The following SLC39A8 variants were observed in gnomAD, a reference collection of about 807,000 sequenced individuals.
SLC39A8 encodes metal cation symporter ZIP8.
In SLC39A8, 15 loss-of-function variants were observed where a neutral mutation model predicts 40.4. That is an observed-to-expected ratio of 0.37 (90% CI 0.25 to 0.57). The LOEUF is 0.57. Ranked by LOEUF, SLC39A8 falls within the 20% of genes least tolerant of loss-of-function variation. SLC39A8 has a pLI of 0.75. For missense variants in SLC39A8, 472 were observed against 558.8 expected (o/e 0.84, Z 1.57); for synonymous variants, 223 against 221.6 (o/e 1.01, Z -0.06).
intron 11 of SLC39A8, among the ~76,000 whole-genome samples, chr4:102,255,729 A>G (rs916893644): frequency 1.3e-5 from 2 of 152,210 alleles, no homozygotes; most frequent in African/African-American, 4.8e-5. Flanking sequence ...GTATGCAGAA[A>G]CAATCAACAG....
At chr4:102,252,070 C>G (rs1264701587) in exon 12 of SLC39A8, 1 of 152,312 alleles carries the variant, frequency 6.6e-6, no homozygotes, top group Non-Finnish European at 1.5e-5. Flanking sequence ...ATAAAAATGG[C>G]TTCCTTTCCT....
At chr4:102,266,485 T>C (rs1732102699) in intron 8 of SLC39A8, among the ~76,000 whole-genome samples, 1 of 152,198 alleles carries the variant, frequency 6.6e-6, no homozygotes, top group African/African-American at 2.4e-5. Flanking sequence ...ATGTAATACA[T>C]CCAGTTCCAA....
intron 3 of SLC39A8, among the ~76,000 whole-genome samples, chr4:102,311,426 G>A (rs976544892): frequency 2.0e-5 from 3 of 152,050 alleles, no homozygotes; most frequent in African/African-American, 7.2e-5. Context: ...AGAATCAGGA[G>A]CTCTCATTTC....
chr4:102,344,949 A>C, intron 1 of SLC39A8, 34 bp from the exon 2 acceptor site: 2 of 1,175,664 alleles, frequency 1.7e-6, no homozygotes, highest in African/African-American at 1.6e-5. Flanking sequence ...GACAGAGATA[A>C]AGGCCACCAG....
In SLC39A8 at chr4:102,300,942, T is replaced by G. The variant is rs186158697; in HGVS notation, c.840+3375A>C. Among the ~76,000 whole-genome samples, 486 of 152,150 alleles carry G rather than the reference T, an allele frequency of 3.2e-3. 1 individual carries two copies. Among genetic ancestry groups the G allele is most frequent in the Middle Eastern group, 6.8e-3 (2 of 294 alleles). ...ATGTAAACAAAACTGAAAATTGCAG[T>G]CTGTTGCTCAATTTGTTTAAATGTC... is the stretch of plus-strand genomic sequence containing the variant. On this transcript the variant is annotated intron_variant, in intron 6 of 8. Coordinates refer to ENST00000356736, the MANE Select transcript of SLC39A8 (RefSeq NM_001135146.2).
intron 6 of SLC39A8, among the ~76,000 whole-genome samples, chr4:102,292,227 T>C (rs1395596205): frequency 6.6e-6 from 1 of 152,012 alleles, no homozygotes; most frequent in African/African-American, 2.4e-5. Flanking sequence ...GAAAAATAGG[T>C]GAAGTGATGA....
intron 3 of SLC39A8, 67 bp from the exon 4 acceptor site, chr4:102,307,672 A>C: frequency 6.7e-7 from 1 of 1,489,760 alleles, no homozygotes; most frequent in Non-Finnish European, 9.2e-7. Flanking sequence ...GTTTTCCTGT[A>C]CATTAAGCTT....
At chr4:102,331,250 G>C (rs1402486006) in intron 2 of SLC39A8, among the ~76,000 whole-genome samples, 1 of 152,188 alleles carries the variant, frequency 6.6e-6, no homozygotes, top group Non-Finnish European at 1.5e-5. Flanking sequence ...GTTTGCAGAT[G>C]ACATGATTGT....
intron 6 of SLC39A8, among the ~76,000 whole-genome samples, chr4:102,276,844 C>A (rs1007477736): frequency 6.6e-6 from 1 of 152,050 alleles, no homozygotes; most frequent in African/African-American, 2.4e-5. Context: ...ATATGCAAAC[C>A]AATAAACACA....
At chr4:102,278,784 A>G (rs1004023324) in intron 6 of SLC39A8, among the ~76,000 whole-genome samples, 140 of 152,330 alleles carry the variant, frequency 9.2e-4, no homozygotes, top group African/African-American at 3.2e-3. Flanking sequence ...TGTGGCATGT[A>G]TACACCACGG....
At chr4:102,320,344 A>G (rs1304378397) in intron 2 of SLC39A8, among the ~76,000 whole-genome samples, 2 of 129,746 alleles carry the variant, frequency 1.5e-5, no homozygotes, top group Non-Finnish European at 3.2e-5. Context: ...ATGAGTATAT[A>G]TATATGAGAA....
intron 2 of SLC39A8, among the ~76,000 whole-genome samples, chr4:102,322,505 C>T (rs1046338016): frequency 8.5e-5 from 13 of 152,182 alleles, no homozygotes; most frequent in African/African-American, 3.1e-4. Context: ...AAAGATAAGC[C>T]TTTCCACTCT....
chr4:102,268,388 C>T (rs532156898), intron 6 of SLC39A8, among the ~76,000 whole-genome samples: 1 of 152,198 alleles, frequency 6.6e-6, no homozygotes, highest in South Asian at 2.1e-4. Context: ...CAGATATTAA[C>T]CTAAGAAATT....
chr4:102,313,487 AT>A (rs1453676562), intron 3 of SLC39A8, among the ~76,000 whole-genome samples: 1 of 152,128 alleles, frequency 6.6e-6, no homozygotes, highest in Non-Finnish European at 1.5e-5. Context: ...GAATCCGGAA[AT>A]GAAAACAGGC....
At chr4:102,312,982 C>T (rs565227317) in intron 3 of SLC39A8, among the ~76,000 whole-genome samples, 1 of 152,180 alleles carries the variant, frequency 6.6e-6, no homozygotes, top group South Asian at 2.1e-4. Flanking sequence ...AAAGTGCAAA[C>T]TGTATTAAAC....
At chr4:102,260,678 A>T (rs1302209345), downstream of SLC39A8, among the ~76,000 whole-genome samples, 3 of 152,264 alleles carry the variant, frequency 2.0e-5, no homozygotes, top group Non-Finnish European at 4.4e-5. Flanking sequence ...TATAAGAAGG[A>T]AAGTAAACCT....
intron 6 of SLC39A8, among the ~76,000 whole-genome samples, chr4:102,290,632 T>C (rs1040658466): frequency 2.6e-4 from 39 of 152,088 alleles, no homozygotes; most frequent in African/African-American, 9.4e-4. Context: ...ATGGTTGAGT[T>C]TGTAGGTGTG....
intron 6 of SLC39A8, among the ~76,000 whole-genome samples, chr4:102,296,251 T>C (rs956285998): frequency 6.6e-6 from 1 of 152,116 alleles, no homozygotes. Flanking sequence ...ATATTTTACC[T>C]TCTCATTTTG....
At chr4:102,308,991 T>A (rs891413797) in intron 3 of SLC39A8, among the ~76,000 whole-genome samples, 1 of 152,112 alleles carries the variant, frequency 6.6e-6, no homozygotes, top group Non-Finnish European at 1.5e-5. Context: ...CAGGCCCACA[T>A]TTTTTAGCAT....
Sources: gnomAD v4.1 joint callset for allele counts (sites outside exome capture counted in the v4.1 genomes callset) on GRCh38, gnomAD v4.1.1 for gene constraint, MANE v1.5 for transcripts, NCBI Gene and HGNC (gene_info 2026-07-23, HGNC 2026-07-21) for gene names.